Variants in TNPO1 observed in about 807,000 individuals in gnomAD.
TNPO1 encodes the protein transportin 1, also known as transportin-1.
In TNPO1, 8 loss-of-function variants were observed where a neutral mutation model predicts 119.5. The ratio of observed to expected loss-of-function variants is 0.07; its 90% CI spans 0.04 to 0.12. The LOEUF (loss-of-function observed/expected upper bound fraction) is 0.12. TNPO1 is among the 10% of genes least tolerant of loss of function. The pLI is 1.00. For missense variants in TNPO1, 576 were observed against 1,089.8 expected, an observed-to-expected ratio of 0.53 and a Z score of 6.64; for synonymous variants, 362 against 363.0, an observed-to-expected ratio of 1.00 and a Z score of 0.03.
At chr5:72,846,697 CCT>C (rs761778614) in intron 1 of TNPO1, among the ~76,000 whole-genome samples, 1 of 152,054 alleles carries the variant, frequency 6.6e-6, no homozygotes, top group Non-Finnish European at 1.5e-5. Context: ...ACAAAAGAAA[CCT>C]CTTCATACTC....
intron 4 of TNPO1, among the ~76,000 whole-genome samples, chr5:72,860,973 C>A (rs552154030): frequency 6.6e-6 from 1 of 150,986 alleles, no homozygotes; most frequent in Non-Finnish European, 1.5e-5. Context: ...AGTGCAGTGG[C>A]GTGATCTCGG....
intron 24 of TNPO1, among the ~76,000 whole-genome samples, chr5:72,906,658 T>G (rs1290813427): frequency 6.6e-6 from 1 of 152,214 alleles, no homozygotes; most frequent in African/African-American, 2.4e-5. Context: ...TATATTCATT[T>G]GGACTCTTGC....
chr5:72,862,991 T>TG (rs1214553787), intron 5 of TNPO1, among the ~76,000 whole-genome samples: 21 of 110,162 alleles, frequency 1.9e-4, no homozygotes, highest in African/African-American at 6.5e-4. Context: ...CCTGTGGGTT[T>TG]TTGTGTGTGT....
chr5:72,854,714 G>A (rs1219398771), intron 3 of TNPO1, among the ~76,000 whole-genome samples: 1 of 152,140 alleles, frequency 6.6e-6, no homozygotes, highest in Non-Finnish European at 1.5e-5. Context: ...AATATTGTTG[G>A]TGTTGATGCC....
chr5:72,822,417 C>T (rs1013184372), intron 1 of TNPO1, among the ~76,000 whole-genome samples: 59 of 151,536 alleles, frequency 3.9e-4, no homozygotes, highest in African/African-American at 1.3e-3. Context: ...TATATCGGTA[C>T]GGCTATTTTA....
In TNPO1 at chr5:72,893,402, A is replaced by G. The variant is rs1345886947; in HGVS notation, c.1922A>G (p.Tyr641Cys). The G allele has an allele frequency of 3.1e-6, 5 of 1,614,020 alleles. No individual in the cohort carries two copies. Among genetic ancestry groups the G allele is most frequent in the Non-Finnish European group, 4.2e-6 (5 of 1,179,984 alleles). The change falls in exon 17 of 25, where the codon TAT (tyrosine) becomes TGT (cysteine). Residue 641 changes from tyrosine (Y) to cysteine (C), a missense_variant. By Grantham distance (194) the Tyr-to-Cys change is radical (BLOSUM62 -2). Coordinates refer to ENST00000337273, the MANE Select transcript of TNPO1 (RefSeq NM_002270.4). ...CTAAACAATGCTCAACCAGATCAAT[A>G]TGAAGCTCCAGATAAAGATTTTATG... is the stretch of plus-strand genomic sequence containing the variant. ...AMLNNAQPDQYEAPDKDFMIV... is the reference protein window; with the variant it reads ...AMLNNAQPDQCEAPDKDFMIV...
intron 18 of TNPO1, 39 bp from the exon 19 acceptor site, chr5:72,896,419 A>G (rs906075552): frequency 5.5e-6 from 8 of 1,441,670 alleles, no homozygotes; most frequent in Admixed American, 1.7e-5. Context: ...ATATACTGCT[A>G]TTGAAAAGTT....
intron 4 of TNPO1, among the ~76,000 whole-genome samples, chr5:72,856,826 A>G (rs1353600521): frequency 6.6e-6 from 1 of 152,176 alleles, no homozygotes. Flanking sequence ...TTGGAAACAC[A>G]CACAACTGGC....
At position 72,887,214 on chromosome 5, in the gene TNPO1, T is replaced by C; in HGVS notation, c.1295T>C (p.Ile432Thr). Reference sequence around the variant, plus strand: ...TCAGGCATTTTGGTTTTAGGAGCAATTGCTGAAGGTAAGCCTAAGTCCAGT... The same window carrying C: ...TCAGGCATTTTGGTTTTAGGAGCAACTGCTGAAGGTAAGCCTAAGTCCAGT... ...KESGILVLGAIAEGCMQGMIP... is the reference protein window; with the variant it reads ...KESGILVLGATAEGCMQGMIP... Residue 432 changes from isoleucine to threonine, a missense_variant, in exon 12 of 25, where the codon ATT (isoleucine) becomes ACT (threonine). Physicochemically the swap from Ile to Thr is moderately conservative, Grantham distance 89. Transcript: ENST00000337273. 1 of 1,538,614 alleles carries C rather than the reference T, an allele frequency of 6.5e-7. No individual in the cohort carries two copies. The highest frequency in any genetic ancestry group is 1.4e-5 in the African/African-American group (1 of 69,790).
chr5:72,816,687 C>G lies in TNPO1; in HGVS notation c.-51C>G, dbSNP rs550258528. On this transcript the variant is annotated 5_prime_UTR_variant, in exon 1 of 25. Transcript: ENST00000337273. ...TTCCGCAGCCATTTCAGGCCCCGGA[C>G]AGGAGGCAGTGCCGCTTCGGCCGAA... 2.0e-6 allele frequency: 3 copies of G among 1,537,748 alleles called. No homozygotes were observed. The highest frequency in any genetic ancestry group is 2.6e-6 in the Non-Finnish European group (3 of 1,143,248).
intron 22 of TNPO1, among the ~76,000 whole-genome samples, chr5:72,902,309 C>T (rs1048038092): frequency 5.9e-5 from 9 of 152,018 alleles, no homozygotes; most frequent in African/African-American, 1.9e-4. Context: ...TTTCTTAACT[C>T]GGTTTTAGAA....
intron 11 of TNPO1, among the ~76,000 whole-genome samples, chr5:72,883,475 C>T (rs1331135434): frequency 6.6e-6 from 1 of 152,178 alleles, no homozygotes; most frequent in African/African-American, 2.4e-5. Context: ...TATTCTGTCT[C>T]TGGGTTTGCC....
chr5:72,904,505 A>AT (rs1423892132), intron 23 of TNPO1, among the ~76,000 whole-genome samples: 1 of 152,154 alleles, frequency 6.6e-6, no homozygotes, highest in Non-Finnish European at 1.5e-5. Context: ...TGATAAAGAT[A>AT]TGCCCAAGGG....
In TNPO1 at chr5:72,833,297, A is replaced by C. The variant is rs553192228; in HGVS notation, c.16-15088A>C. Among the ~76,000 whole-genome samples the C allele has an allele frequency of 5.9e-5, 9 of 152,272 alleles. No individual in the cohort carries two copies. The East Asian group carries it at 1.5e-3, about 26-fold the overall frequency. ...ACTAGTCCCAAGATGTTTTTGCTTT[A>C]AGTGGAAGAATTTGAATGTTTTAGG... is the stretch of plus-strand genomic sequence containing the variant. On this transcript the variant is annotated intron_variant, in intron 1 of 24. Transcript: ENST00000337273.
In TNPO1 at chr5:72,913,164, T is replaced by C. The variant is rs1430912318; in HGVS notation, c.*4491T>C. 1.3e-5 allele frequency: 2 copies of C among 152,534 alleles called. No individual in the cohort carries two copies. The highest frequency in any genetic ancestry group is 4.8e-5 in the African/African-American group (2 of 41,444). The allele number at this position is 152,534 out of a possible 1,614,324, so 9.4% of individuals were successfully genotyped here. A position where few individuals can be genotyped will look rare whatever the true frequency, so the allele number is the denominator to read the frequency against. ...GTAATAATACCATGCAATATAGCGT[T>C]GTATACCAACTTAGTGCATTTTATA... is the stretch of plus-strand genomic sequence containing the variant. On this transcript the variant is annotated 3_prime_UTR_variant, in exon 25 of 25. Transcript: ENST00000337273.
At chr5:72,896,627 C>A in intron 19 of TNPO1, 71 bp downstream of exon 19, 1 of 1,253,756 alleles carries the variant, frequency 8.0e-7, no homozygotes, top group Non-Finnish European at 1.1e-6. Context: ...CCCAGCACTT[C>A]GGGAGGCTGA....
chr5:72,827,799 A>G (rs1744270805), intron 1 of TNPO1, among the ~76,000 whole-genome samples: 2 of 151,812 alleles, frequency 1.3e-5, no homozygotes, highest in Admixed American at 6.6e-5. Context: ...ATGTGCCTAT[A>G]GTCCCAGCTA....
chr5:72,891,132 C>T (rs559753582), intron 14 of TNPO1, among the ~76,000 whole-genome samples: 1 of 152,002 alleles, frequency 6.6e-6, no homozygotes, highest in Admixed American at 6.5e-5. Flanking sequence ...TGTGAGCCAC[C>T]ATGCCCAGCC....
chr5:72,842,672 A>G (rs1441085503), intron 1 of TNPO1, among the ~76,000 whole-genome samples: 3 of 152,186 alleles, frequency 2.0e-5, no homozygotes, highest in East Asian at 1.9e-4. Context: ...TCCTGCCCTC[A>G]TTGCAAACTG....
Sources: gnomAD v4.1 joint callset for allele counts (sites outside exome capture counted in the v4.1 genomes callset) on GRCh38, gnomAD v4.1.1 for gene constraint, MANE v1.5 for transcripts, NCBI Gene and HGNC (gene_info 2026-07-23, HGNC 2026-07-21) for gene names.